Variants in PCSK7 observed in about 807,000 individuals in gnomAD.
PCSK7 encodes the protein lymphoma proprotein convertase.
A neutral mutation model predicts 73.3 loss-of-function variants in PCSK7; 38 were observed. The ratio of observed to expected loss-of-function variants is 0.52; its 90% CI spans 0.40 to 0.68. PCSK7 has a LOEUF of 0.68. Among genes scored for constraint, PCSK7 ranks in the 30% least tolerant of loss-of-function variants. The pLI, the probability that PCSK7 is intolerant of heterozygous loss-of-function variation, is 0.00. For missense variants in PCSK7, 692 were observed against 991.5 expected (o/e 0.70, Z 4.06); for synonymous variants, 296 against 383.8 (o/e 0.77, Z 2.68).
At position 117,227,001 on chromosome 11, in the gene PCSK7, T is replaced by C. The variant is rs1029116120; in HGVS notation, c.769+156A>G. 3.3e-5 allele frequency: 19 copies of C among 581,480 alleles called. No homozygotes were observed. In the East Asian group the frequency reaches 4.8e-4, roughly 15 times the overall value. The allele number at this position is 581,480 out of a possible 1,614,324, so 36.0% of individuals were successfully genotyped here. A position where few individuals can be genotyped will look rare whatever the true frequency, so the allele number is the denominator to read the frequency against. The stretch of plus-strand genomic sequence containing the variant: ...ACTGAAAAATCAATGAGCTGATATG[T>C]CCTACAGACACCTATTATAAACTCA... On this transcript the variant is annotated intron_variant, in intron 5 of 16. Coordinates refer to ENST00000320934, the MANE Select transcript of PCSK7 (RefSeq NM_004716.4).
intron 3 of PCSK7, among the ~76,000 whole-genome samples, chr11:117,228,639 A>AGTCTTG (rs999680106): frequency 9.6e-5 from 12 of 124,910 alleles, no homozygotes; most frequent in African/African-American, 3.4e-4. Context: ...TTTGAGACGG[A>AGTCTTG]GTCTTGCTCT....
intron 12 of PCSK7, chr11:117,214,015 G>A (rs1267563231): frequency 7.4e-6 from 1 of 135,946 alleles, no homozygotes; most frequent in African/African-American, 2.9e-5. Flanking sequence ...GCAGTGCAGT[G>A]GCATGATCTC....
In PCSK7 at chr11:117,208,902, C is replaced by T; in HGVS notation, c.1686G>A (p.Met562Ile). 6.2e-7 allele frequency: 1 copy of T among 1,611,844 alleles called. No homozygotes were observed. Among genetic ancestry groups the T allele is most frequent in the Non-Finnish European group, 8.5e-7 (1 of 1,179,604 alleles). The change falls in exon 13 of 17, where the codon ATG (methionine) becomes ATA (isoleucine). Residue 562 changes from methionine (M) to isoleucine (I), a missense_variant. This residue lies in a region of PCSK7 where 20 missense variants were observed against 32.1 expected (regional missense o/e 0.62). Coordinates refer to ENST00000320934, the MANE Select transcript of PCSK7 (RefSeq NM_004716.4). ...MMSLIGAPRS[M>I]DSDPNGFNDW... The stretch of plus-strand genomic sequence containing the variant: ...CCTCGGGCGGGTGTACATACGAGTC[C>T]ATGCTGCGGGGGGCGCCGATGAGGG...
chr11:117,223,371 T>TA, intron 8 of PCSK7, 63 bp from the exon 9 acceptor site: 1 of 978,780 alleles, frequency 1.0e-6, no homozygotes, highest in Admixed American at 1.7e-5. Flanking sequence ...AGGGGCTTGC[T>TA]AATGTCAGTT....
intron 4 of PCSK7, 83 bp from the exon 5 acceptor site, chr11:117,227,405 G>A (rs1193040342): frequency 5.8e-6 from 6 of 1,041,814 alleles, no homozygotes; most frequent in Non-Finnish European, 9.0e-6. Context: ...AAAGGAAATG[G>A]GAGTTTGGGA....
At chr11:117,214,335 G>A (rs2031871489) in intron 12 of PCSK7, 1 of 152,118 alleles carries the variant, frequency 6.6e-6, no homozygotes, top group Non-Finnish European at 1.5e-5. Flanking sequence ...AAGAGATTTA[G>A]GTCGAGGACT....
At chr11:117,219,555 T>C in intron 10 of PCSK7, 36 bp downstream of exon 10, 2 of 1,602,274 alleles carry the variant, frequency 1.2e-6, no homozygotes, top group Non-Finnish European at 1.7e-6. Flanking sequence ...TGGAGCAGGC[T>C]GGGCCAGGCC....
Position 117,204,465 on chromosome 11 carries a change from C to G in PCSK7, c.*1532G>C, listed in dbSNP as rs767417535. On this transcript the variant is annotated 3_prime_UTR_variant, in exon 17 of 17. Transcript: ENST00000320934. ...CCCGTGTGGTACCTTCAGCCCTGGC[C>G]AAGCTTTGAGGCTCTGTCACTGAGC... The G allele has an allele frequency of 6.5e-7, 1 of 1,547,380 alleles. No individual in the cohort carries two copies. Among genetic ancestry groups the G allele is most frequent in the Non-Finnish European group, 8.8e-7 (1 of 1,133,090 alleles).
chr11:117,219,836 G>A (rs1440518331), intron 9 of PCSK7, 78 bp from the exon 10 acceptor site: 28 of 1,138,044 alleles, frequency 2.5e-5, no homozygotes, highest in Middle Eastern at 2.1e-4. Flanking sequence ...CTATAGTCCC[G>A]GCTACCTGGG....
At chr11:117,222,547 A>G (rs1031920043) in intron 9 of PCSK7, 2 of 152,200 alleles carry the variant, frequency 1.3e-5, no homozygotes, top group African/African-American at 4.8e-5. Flanking sequence ...AGTCCACAGA[A>G]ATTAGCAAAA....
At chr11:117,219,559 C>A (rs980318710) in intron 10 of PCSK7, 32 bp downstream of exon 10, 1 of 1,605,924 alleles carries the variant, frequency 6.2e-7, no homozygotes, top group African/African-American at 1.3e-5. Context: ...GCAGGCTGGG[C>A]CAGGCCACTT....
intron 4 of PCSK7, 56 bp from the exon 5 acceptor site, chr11:117,227,378 C>G (rs2032471283): frequency 3.7e-6 from 5 of 1,363,962 alleles, no homozygotes; most frequent in Non-Finnish European, 3.1e-6. Flanking sequence ...GGATCAGGTC[C>G]TGGGGTTCAG....
chr11:117,216,340 A>C (rs1339446762), intron 12 of PCSK7: 1 of 151,942 alleles, frequency 6.6e-6, no homozygotes, highest in Non-Finnish European at 1.5e-5. Flanking sequence ...CAGCCCCCAG[A>C]CACTGAATCA....
chr11:117,229,626 C>T lies in PCSK7; in HGVS notation c.219G>A (p.Gln73=), dbSNP rs1249648451. 1.2e-6 allele frequency: 2 copies of T among 1,614,102 alleles called. No homozygotes were observed. The highest frequency in any genetic ancestry group is 2.2e-5 in the South Asian group (2 of 91,090). The change falls in exon 3 of 17, where the codon CAG becomes CAA. Residue 73 remains glutamine, a synonymous_variant. Transcript: ENST00000320934. ...CTGCTGCCTGGGCCAAGGCATCCGCCTGCTGCTCCAGAGTCTCTTCCTCCC... is the reference window on the plus strand; with the variant it reads ...CTGCTGCCTGGGCCAAGGCATCCGCTTGCTGCTCCAGAGTCTCTTCCTCCC... ...GDGEEETLEQ[Q]ADALAQAAGL... is the part of the protein sequence containing the mutation.
At position 117,206,349 on chromosome 11, in the gene PCSK7, A is replaced by G. The variant is rs529011587; in HGVS notation, c.2006T>C (p.Val669Ala). 44 of 1,607,306 alleles carry G rather than the reference A, an allele frequency of 2.7e-5. No individual in the cohort carries two copies. In the Middle Eastern group the frequency reaches 6.6e-4, roughly 24 times the overall value. ...TITPNTLKTLVLVGCFTVFWT... is the reference protein window; with the variant it reads ...TITPNTLKTLALVGCFTVFWT... ...GAAGACGGTGAAACAGCCTACCAGC[A>G]CCAGGGTCTGGGGCCGAGGCAAGCA... The change falls in exon 17 of 17, where the codon GTG becomes GCG. Residue 669 changes from valine (V) to alanine (A), a missense_variant. Physicochemically the swap from Val to Ala is moderately conservative, Grantham distance 64 (BLOSUM62 0). Coordinates refer to ENST00000320934, the MANE Select transcript of PCSK7 (RefSeq NM_004716.4).
rs115725347 is a variant in PCSK7, at chr11:117,219,943, A to G, written c.1156-185T>C. On this transcript the variant is annotated intron_variant, in intron 9 of 16. Coordinates refer to ENST00000320934, the MANE Select transcript of PCSK7 (RefSeq NM_004716.4). The stretch of plus-strand genomic sequence containing the variant: ...AGTGAGAACCCATCTTTAAAAAATA[A>G]AAAAAGAATATTTTTTAAAAAAGAA... The G allele has an allele frequency of 3.3e-3, 1,527 of 468,072 alleles. 22 individuals are homozygous for G. Among genetic ancestry groups the G allele is most frequent in the African/African-American group, 0.029 (1,429 of 49,004 alleles). The allele number at this position is 468,072 out of a possible 1,614,324, so 29.0% of individuals were successfully genotyped here.
At position 117,219,349 on chromosome 11, in the gene PCSK7, T is replaced by C. The variant is rs1476863370; in HGVS notation, c.1324-185A>G. 3.5e-5 allele frequency: 22 copies of C among 632,148 alleles called. No homozygotes were observed. The East Asian group carries it at 5.8e-4, about 17-fold the overall frequency. 39.2% of individuals were successfully genotyped at this position (632,148 alleles called of 1,614,324 possible). ...AAAGCCCATGATGTCACCACCCCAC[T>C]GGCTTGCTTCTAGAGAAGGGGCCAG... is the stretch of plus-strand genomic sequence containing the variant. On this transcript the variant is annotated intron_variant, in intron 10 of 16. Coordinates refer to ENST00000320934, the MANE Select transcript of PCSK7 (RefSeq NM_004716.4).
chr11:117,231,168 G>A (rs1265180231), intron 1 of PCSK7: 3 of 152,048 alleles, frequency 2.0e-5, no homozygotes, highest in Non-Finnish European at 4.4e-5. Context: ...GCTCTCCACT[G>A]GGTCCACCCT....
intron 4 of PCSK7, 101 bp downstream of exon 4, chr11:117,228,115 T>G (rs2032500520): frequency 8.5e-7 from 1 of 1,180,796 alleles, no homozygotes; most frequent in Non-Finnish European, 1.2e-6. Context: ...CAGGCTCTTT[T>G]ATTTGGCCCA....
Sources: allele counts gnomAD v4.1 joint callset (sites outside exome capture counted in the v4.1 genomes callset), GRCh38; gene constraint gnomAD v4.1.1; regional missense constraint gnomAD v4.1.1; transcripts MANE v1.5; gene names NCBI Gene and HGNC (gene_info 2026-07-23, HGNC 2026-07-21).